Variants in LMBRD2 observed in about 807,000 individuals in gnomAD.
The protein encoded by LMBRD2 is G protein-coupled receptor-associated protein LMBRD2.
A neutral mutation model predicts 94.4 loss-of-function variants in LMBRD2; 55 were observed. The ratio of observed to expected loss-of-function variants is 0.58; its 90% CI spans 0.47 to 0.73. LMBRD2 has a LOEUF of 0.73. Ranked by LOEUF, LMBRD2 falls within the 30% of genes least tolerant of loss-of-function variation. The pLI is 0.00. For missense variants in LMBRD2, 640 were observed against 831.9 expected (o/e 0.77, Z 2.84); for synonymous variants, 246 against 272.4 (o/e 0.90, Z 0.95).
rs964802887 is a variant in LMBRD2, at chr5:36,141,053, C to T, written c.368+54G>A. On this transcript the variant is annotated intron_variant, in intron 4 of 17. Coordinates refer to ENST00000296603, the MANE Select transcript of LMBRD2 (RefSeq NM_001007527.2). The stretch of plus-strand genomic sequence containing the variant: ...ATTCCAAACTATATTGATTGAAAAA[C>T]ATTTTATTCCTTTAGCCAAAATTTT... The T allele has an allele frequency of 7.5e-6, 7 of 936,032 alleles. No homozygotes were observed. The African/African-American group carries it at 1.0e-4, about 13-fold the overall frequency. 58.0% of individuals were successfully genotyped at this position (936,032 alleles called of 1,614,324 possible).
intron 6 of LMBRD2, 141 bp from the exon 7 acceptor site, chr5:36,124,406 T>C (rs761094698): frequency 1.5e-5 from 8 of 530,370 alleles, no homozygotes; most frequent in Non-Finnish European, 2.7e-5. Context: ...ATAAAGGTTC[T>C]TAAGAACACA....
rs1744297004 is a variant in LMBRD2 at position 36,137,390 on chromosome 5, G to A, written c.420C>T (p.Ile140=). 6.2e-7 allele frequency: 1 copy of A among 1,600,352 alleles called. No individual in the cohort carries two copies. The highest frequency in any genetic ancestry group is 1.7e-5 in the Admixed American group (1 of 59,866). ...TTAGTGCAGTTTTGATCTTTCCAGTGATGGAAAACCCTCCTGATCTTGCAT... is the reference window on the plus strand; with the variant it reads ...TTAGTGCAGTTTTGATCTTTCCAGTAATGGAAAACCCTCCTGATCTTGCAT... ...QSYARSGGFS[I]TGKIKTALIE... The change falls in exon 5 of 18, where the codon ATC becomes ATT. Residue 140 remains isoleucine (I), a synonymous_variant. Coordinates refer to ENST00000296603, the MANE Select transcript of LMBRD2 (RefSeq NM_001007527.2).
chr5:36,117,802 G>T lies in LMBRD2; in HGVS notation c.1235C>A (p.Pro412His), dbSNP rs1743793714. 1 of 1,613,682 alleles carries T rather than the reference G, an allele frequency of 6.2e-7. No homozygotes were observed. Among genetic ancestry groups the T allele is most frequent in the African/African-American group, 1.3e-5 (1 of 74,908 alleles). Residue 412 changes from proline to histidine, a missense_variant, in exon 10 of 18, where the codon CCT (proline) becomes CAT (histidine). Pro to His is a moderately conservative substitution (Grantham distance 77). Coordinates refer to ENST00000296603, the MANE Select transcript of LMBRD2 (RefSeq NM_001007527.2). The part of the protein sequence containing the change: ...WSECTFFSTT[P>H]VLSLFAVFIQ... ...GAAGACCGCAAAGAGGGATAAGACAGGAGTAGTGCTAAAGAATGTGCACTC... is the reference window on the plus strand; with the variant it reads ...GAAGACCGCAAAGAGGGATAAGACATGAGTAGTGCTAAAGAATGTGCACTC...
At chr5:36,139,661 A>G (rs950082824) in intron 4 of LMBRD2, among the ~76,000 whole-genome samples, 2 of 152,186 alleles carry the variant, frequency 1.3e-5, no homozygotes, top group African/African-American at 4.8e-5. Flanking sequence ...CTGACTACAG[A>G]TAGGAGCTAT....
chr5:36,113,383 C>T (rs1016127353), intron 13 of LMBRD2, among the ~76,000 whole-genome samples: 2 of 152,036 alleles, frequency 1.3e-5, no homozygotes, highest in African/African-American at 2.4e-5. Flanking sequence ...TCGGGGATCT[C>T]GGTTTTTGGA....
chr5:36,149,788 C>T (rs1206807884), intron 1 of LMBRD2, among the ~76,000 whole-genome samples: 1 of 152,190 alleles, frequency 6.6e-6, no homozygotes, highest in East Asian at 1.9e-4. Context: ...TGCCTGTAAT[C>T]CCAGCTACTC....
At chr5:36,137,733 T>C (rs931499977) in intron 4 of LMBRD2, among the ~76,000 whole-genome samples, 1 of 151,984 alleles carries the variant, frequency 6.6e-6, no homozygotes, top group Non-Finnish European at 1.5e-5. Context: ...ACACGGAGAA[T>C]GGATAAAAGG....
chr5:36,111,414 G>A (rs1013449878), intron 13 of LMBRD2, among the ~76,000 whole-genome samples, 156 bp from the exon 14 acceptor site: 5 of 152,040 alleles, frequency 3.3e-5, no homozygotes, highest in Admixed American at 2.6e-4. Context: ...GCTTCAGGAA[G>A]TACCACTTAT....
At chr5:36,111,306 A>C in intron 13 of LMBRD2, 48 bp from the exon 14 acceptor site, 1 of 1,201,164 alleles carries the variant, frequency 8.3e-7, no homozygotes, top group Non-Finnish European at 1.2e-6. Flanking sequence ...TTCACATTGT[A>C]AATATTTAGA....
Position 36,103,872 on chromosome 5 carries a change from C to G in LMBRD2, c.*174G>C. Reference sequence around the variant, plus strand: ...AAATCTTGTTGAAAAAGGTGATACTCTATTCAATGCACATTAAACTATTAT... The same window carrying G: ...AAATCTTGTTGAAAAAGGTGATACTGTATTCAATGCACATTAAACTATTAT... On this transcript the variant is annotated 3_prime_UTR_variant, in exon 18 of 18. Transcript: ENST00000296603. 1.0e-5 allele frequency: 5 copies of G among 498,630 alleles called. No homozygotes were observed. 30.9% of individuals were successfully genotyped at this position (498,630 alleles called of 1,614,324 possible).
chr5:36,105,243 A>G, intron 16 of LMBRD2, 46 bp from the exon 17 acceptor site: 1 of 1,589,366 alleles, frequency 6.3e-7, no homozygotes, highest in Non-Finnish European at 8.6e-7. Context: ...CTGTCTTTTA[A>G]CTTATGGGTC....
intron 16 of LMBRD2, 134 bp downstream of exon 16, chr5:36,108,400 A>G: frequency 2.1e-6 from 1 of 484,190 alleles, no homozygotes; most frequent in East Asian, 3.0e-5. Flanking sequence ...TGCAGAAAAA[A>G]AAGAAGTCAC....
In LMBRD2 at chr5:36,143,887, G is replaced by A. The variant is rs1034677535; in HGVS notation, c.-57-481C>T. ...AGAGAGGAAGGAAAAAACGGAAAGA[G>A]ACCATTTAAAAGTAACCTTTTGTTT... On this transcript the variant is annotated intron_variant, in intron 1 of 17. Coordinates refer to ENST00000296603, the MANE Select transcript of LMBRD2 (RefSeq NM_001007527.2). Among the ~76,000 whole-genome samples, 11 of 151,960 alleles carry A rather than the reference G, an allele frequency of 7.2e-5. No individual in the cohort carries two copies. The East Asian group carries it at 2.1e-3, about 29-fold the overall frequency.
rs954382447 is a variant in LMBRD2, at chr5:36,100,000, T to C, written c.*4046A>G. 1 of 151,152 alleles carries C rather than the reference T, an allele frequency of 6.6e-6. No individual in the cohort carries two copies. The highest frequency in any genetic ancestry group is 1.5e-5 in the Non-Finnish European group (1 of 67,746). 9.4% of individuals were successfully genotyped at this position (151,152 alleles called of 1,614,324 possible). A position where few individuals can be genotyped will look rare whatever the true frequency, so the allele number is the denominator to read the frequency against. Reference sequence around the variant, plus strand: ...GCTCCTAGGGCCTTGTCTCCAGGAGTTGGGAAAGGGGAAAGAAAACATTGC... The same window carrying C: ...GCTCCTAGGGCCTTGTCTCCAGGAGCTGGGAAAGGGGAAAGAAAACATTGC... On this transcript the variant is annotated 3_prime_UTR_variant, in exon 18 of 18. Coordinates refer to ENST00000296603, the MANE Select transcript of LMBRD2 (RefSeq NM_001007527.2).
intron 5 of LMBRD2, 81 bp downstream of exon 5, chr5:36,137,193 C>T: frequency 1.1e-6 from 1 of 894,380 alleles, no homozygotes. Context: ...TGTCTTTTTA[C>T]CTGCACATAT....
intron 1 of LMBRD2, among the ~76,000 whole-genome samples, chr5:36,147,490 T>A (rs1744577661): frequency 6.6e-6 from 1 of 152,190 alleles, no homozygotes; most frequent in Admixed American, 6.5e-5. Context: ...TCATTAAAAC[T>A]ACCAGATTTT....
At chr5:36,122,745 G>C in intron 8 of LMBRD2, 103 bp downstream of exon 8, 4 of 1,364,250 alleles carry the variant, frequency 2.9e-6, no homozygotes, top group Non-Finnish European at 3.9e-6. Flanking sequence ...ATTAAAGGAA[G>C]TTTTAAATAC....
intron 16 of LMBRD2, among the ~76,000 whole-genome samples, chr5:36,107,309 A>G (rs1743496030): frequency 6.6e-6 from 1 of 152,208 alleles, no homozygotes; most frequent in African/African-American, 2.4e-5. Flanking sequence ...AAGTCACTGC[A>G]CTGTCTGATA....
intron 5 of LMBRD2, among the ~76,000 whole-genome samples, chr5:36,137,026 T>C (rs1744287941): frequency 6.6e-6 from 1 of 152,138 alleles, no homozygotes; most frequent in Admixed American, 6.5e-5. Flanking sequence ...TCATAAGGGT[T>C]ATTACTTTTA....
Sources: allele counts gnomAD v4.1 joint callset (sites outside exome capture counted in the v4.1 genomes callset), GRCh38; gene constraint gnomAD v4.1.1; transcripts MANE v1.5; gene names NCBI Gene and HGNC (gene_info 2026-07-23, HGNC 2026-07-21).